The following ATP2B1 variants were observed in gnomAD, a reference collection of about 807,000 sequenced individuals.
ATP2B1 encodes the protein ATPase plasma membrane Ca2+ transporting 1, also known as plasma membrane calcium-transporting ATPase 1.
A neutral mutation model predicts 124.2 loss-of-function variants in ATP2B1; 14 were observed. That is an observed-to-expected ratio of 0.11 (90% CI 0.07 to 0.18). ATP2B1 has a LOEUF of 0.18. Among genes scored for constraint, ATP2B1 ranks in the 10% least tolerant of loss-of-function variants. The probability of loss-of-function intolerance (pLI) is 1.00; values close to 1 mark genes in which losing one functional copy is unlikely to be tolerated. For synonymous variants in ATP2B1, 449 were observed against 492.4 expected (o/e 0.91, Z 1.17); for missense variants, 763 against 1,466.1 (o/e 0.52, Z 7.83).
intron 7 of ATP2B1, 116 bp from the exon 8 acceptor site, chr12:89,626,731 T>G (rs926780830): frequency 8.1e-7 from 1 of 1,231,980 alleles, no homozygotes; most frequent in Admixed American, 3.0e-5. Flanking sequence ...GTATAAGCAT[T>G]CAGCTTTGTG....
intron 1 of ATP2B1, among the ~76,000 whole-genome samples, chr12:89,708,003 G>C (rs1892696184): frequency 6.6e-6 from 1 of 152,316 alleles, no homozygotes; most frequent in Non-Finnish European, 1.5e-5. Flanking sequence ...GGGCCAGACG[G>C]AAGGCGTGAG....
At chr12:89,687,757 T>C (rs1428682543) in intron 1 of ATP2B1, among the ~76,000 whole-genome samples, 3 of 152,146 alleles carry the variant, frequency 2.0e-5, no homozygotes, top group African/African-American at 7.2e-5. Flanking sequence ...TAAACAGCAA[T>C]GTTAGTATTT....
chr12:89,643,229 C>CGT lies in ATP2B1; in HGVS notation c.209-876_209-875dup, dbSNP rs563557489. ...GTGTATATGTGTATATATGTATATA[C>CGT]GTATATATATGTATATATACACACA... On this transcript the variant is annotated intron_variant, in intron 2 of 20. Transcript: ENST00000428670. 4.3e-3 allele frequency among the ~76,000 whole-genome samples: 641 copies of CGT among 148,958 alleles called. 6 individuals carry two copies. The highest frequency in any genetic ancestry group is 0.015 in the African/African-American group (599 of 40,446).
chr12:89,701,801 C>A (rs1891884690), intron 1 of ATP2B1, among the ~76,000 whole-genome samples: 1 of 152,152 alleles, frequency 6.6e-6, no homozygotes. Context: ...CCTGCCTCAG[C>A]CTCCCAAAGT....
Position 89,603,130 on chromosome 12 carries a change from C to G in ATP2B1, c.2973G>C (p.Arg991=). Residue 991 remains arginine (R), a synonymous_variant, in exon 18 of 21, where the codon CGG becomes CGC. Coordinates refer to ENST00000428670, the MANE Select transcript of ATP2B1 (RefSeq NM_001366521.1). This position sits in a 1 kb window ranked among gnomAD's most constrained non-coding sequence, Gnocchi z 4.3. ...LMQLFNEINA[R]KIHGERNVFE... The stretch of plus-strand genomic sequence containing the variant: ...ATACATTTCTTTCACCATGAATTTT[C>G]CGGGCATTTATTTCGTTGAAAAGTT... 1 of 1,613,892 alleles carries G rather than the reference C, an allele frequency of 6.2e-7. No homozygotes were observed. Among genetic ancestry groups the G allele is most frequent in the Non-Finnish European group, 8.5e-7 (1 of 1,179,908 alleles).
intron 1 of ATP2B1, among the ~76,000 whole-genome samples, chr12:89,680,935 G>A (rs1889272546): frequency 6.6e-6 from 1 of 152,126 alleles, no homozygotes; most frequent in Non-Finnish European, 1.5e-5. Flanking sequence ...TCAGAATGTG[G>A]GAGCTGAGCT....
At position 89,614,918 on chromosome 12, in the gene ATP2B1, T is replaced by C. The variant is rs969499557; in HGVS notation, c.2067+1884A>G. ...GATCACTGCAATAATCTCATTAGCTTCCCTGCTTCTACTCTTCTTCATCTC... is the reference window on the plus strand; with the variant it reads ...GATCACTGCAATAATCTCATTAGCTCCCCTGCTTCTACTCTTCTTCATCTC... On this transcript the variant is annotated intron_variant, in intron 12 of 20. Transcript: ENST00000428670. Among the ~76,000 whole-genome samples the C allele has an allele frequency of 5.3e-5, 8 of 152,100 alleles. No homozygotes were observed. In the East Asian group the frequency reaches 1.5e-3, roughly 29 times the overall value.
intron 1 of ATP2B1, among the ~76,000 whole-genome samples, chr12:89,669,738 ATT>A (rs1356430557): frequency 6.6e-6 from 1 of 152,162 alleles, no homozygotes; most frequent in African/African-American, 2.4e-5. Flanking sequence ...AATATTTTTA[ATT>A]TGTCTCTAAT....
chr12:89,635,318 G>T, intron 3 of ATP2B1, 67 bp from the exon 4 acceptor site: 1 of 1,484,700 alleles, frequency 6.7e-7, no homozygotes, highest in Non-Finnish European at 9.0e-7. Context: ...CATATAGTAC[G>T]TCTAAATCAT....
At chr12:89,597,392 C>T (rs566683711) in intron 20 of ATP2B1, among the ~76,000 whole-genome samples, 23 of 152,260 alleles carry the variant, frequency 1.5e-4, no homozygotes, top group African/African-American at 4.8e-4. Context: ...CATCATGCGG[C>T]CTCTGCTTAT....
chr12:89,610,628 T>C (rs950155475), intron 13 of ATP2B1, 120 bp from the exon 14 acceptor site: 41 of 803,384 alleles, frequency 5.1e-5, no homozygotes, highest in Admixed American at 1.1e-4. Flanking sequence ...CAGAAACTCC[T>C]GGGAACTTGT....
chr12:89,660,441 A>G (rs1363084885), intron 1 of ATP2B1, among the ~76,000 whole-genome samples: 1 of 152,246 alleles, frequency 6.6e-6, no homozygotes, highest in Non-Finnish European at 1.5e-5. Flanking sequence ...ATGCAAAGAC[A>G]AAAGTTCAGT....
chr12:89,685,701 C>G (rs1395917381), intron 1 of ATP2B1, among the ~76,000 whole-genome samples: 4 of 152,082 alleles, frequency 2.6e-5, no homozygotes, highest in Non-Finnish European at 5.9e-5. Flanking sequence ...TTTGCTTTCT[C>G]TATTATGGAC....
At chr12:89,610,725 T>G in intron 13 of ATP2B1, 1 of 497,400 alleles carries the variant, frequency 2.0e-6, no homozygotes, top group Non-Finnish European at 3.5e-6. Context: ...TTAATAATCT[T>G]GCTAGGTGAC....
Position 89,636,317 on chromosome 12 carries a change from T to C in ATP2B1, c.407-1066A>G, listed in dbSNP as rs568052489. On this transcript the variant is annotated intron_variant, in intron 3 of 20. Coordinates refer to ENST00000428670, the MANE Select transcript of ATP2B1 (RefSeq NM_001366521.1). ...TTTTTGACTTCGGGCTGTAATCTAG[T>C]TGTGAGTCCAAAATCAATTCAGTGG... Among the ~76,000 whole-genome samples, 14 of 152,108 alleles carry C rather than the reference T, an allele frequency of 9.2e-5. No homozygotes were observed. The South Asian group carries it at 1.2e-3, about 13-fold the overall frequency.
At position 89,590,147 on chromosome 12, in the gene ATP2B1, T is replaced by G. The variant is rs1486609708; in HGVS notation, c.*837A>C. 1.3e-5 allele frequency: 2 copies of G among 152,562 alleles called. No homozygotes were observed. Among genetic ancestry groups the G allele is most frequent in the Non-Finnish European group, 2.9e-5 (2 of 68,008 alleles). 9.5% of individuals were successfully genotyped at this position (152,562 alleles called of 1,614,324 possible). On this transcript the variant is annotated 3_prime_UTR_variant, in exon 21 of 21. Coordinates refer to ENST00000428670, the MANE Select transcript of ATP2B1 (RefSeq NM_001366521.1). The stretch of plus-strand genomic sequence containing the variant: ...AATCTACTAAATTCTGAACAAAAGG[T>G]TATTAGCAAGTTTTCAAAAATTTTA...
rs2135930971 is a variant in ATP2B1, at chr12:89,601,320, T to G, written c.3168+6A>C. 6.5e-7 allele frequency: 1 copy of G among 1,542,646 alleles called. No individual in the cohort carries two copies. The highest frequency in any genetic ancestry group is 8.7e-7 in the Non-Finnish European group (1 of 1,149,426). On this transcript the variant is annotated splice_donor_region_variant and intron_variant, in intron 19 of 20. Coordinates refer to ENST00000428670, the MANE Select transcript of ATP2B1 (RefSeq NM_001366521.1). ...AGGTTTAAACAAAAACTGATGAAATTTTTACCTGGCCCCAGAGTAATGTTC... is the reference window on the plus strand; with the variant it reads ...AGGTTTAAACAAAAACTGATGAAATGTTTACCTGGCCCCAGAGTAATGTTC...
intron 16 of ATP2B1, 73 bp downstream of exon 16, chr12:89,604,082 A>AT (rs551941206): frequency 1.4e-6 from 2 of 1,471,038 alleles, no homozygotes; most frequent in African/African-American, 2.9e-5. Flanking sequence ...AATATTAAGT[A>AT]TTTTTTAAGA....
intron 1 of ATP2B1, among the ~76,000 whole-genome samples, chr12:89,673,252 G>A (rs190371849): frequency 7.6e-4 from 116 of 152,252 alleles, no homozygotes; most frequent in Middle Eastern, 3.4e-3. Context: ...ACCTACAAGA[G>A]GGAAATATTA....
Sources: allele counts gnomAD v4.1 joint callset (sites outside exome capture counted in the v4.1 genomes callset), GRCh38; gene constraint gnomAD v4.1.1; non-coding constraint Gnocchi (gnomAD v3.1); transcripts MANE v1.5; gene names NCBI Gene and HGNC (gene_info 2026-07-23, HGNC 2026-07-21).